The following IL1RAPL1 variants were observed in gnomAD, a reference collection of about 807,000 sequenced individuals.
IL1RAPL1 encodes the protein interleukin 1 receptor accessory protein like 1.
Under a neutral mutation model 48.4 loss-of-function variants are expected in IL1RAPL1, and 3 were observed. The observed-to-expected ratio is 0.06, with a 90% CI of 0.03 to 0.16. The LOEUF (loss-of-function observed/expected upper bound fraction) is 0.16. IL1RAPL1 is among the 10% of genes least tolerant of loss of function. IL1RAPL1 has a pLI of 1.00. For synonymous variants in IL1RAPL1, 185 were observed against 187.7 expected (o/e 0.99, Z 0.12); for missense variants, 349 against 530.6 (o/e 0.66, Z 3.36).
At chrX:29,504,946 A>G (rs934823874) in intron 5 of IL1RAPL1, among the ~76,000 whole-genome samples, 27 of 110,275 alleles carry the variant, frequency 2.4e-4, no homozygotes, top group African/African-American at 8.6e-4. Context: ...TGGTTAAGTG[A>G]TTTTTCTCTG....
chrX:29,425,048 G>A (rs1309910779), intron 5 of IL1RAPL1, among the ~76,000 whole-genome samples: 3 of 111,336 alleles, frequency 2.7e-5, no homozygotes, highest in African/African-American at 9.8e-5. Flanking sequence ...AGTACAACAG[G>A]GACTCCAACT....
At chrX:29,303,491 G>A (rs1384188572) in intron 3 of IL1RAPL1, among the ~76,000 whole-genome samples, 1 of 111,447 alleles carries the variant, frequency 9.0e-6, no homozygotes, top group African/African-American at 3.3e-5. Context: ...TTATAATACA[G>A]CAGTATAAAA....
chrX:29,688,884 C>G (rs1173085771), intron 6 of IL1RAPL1, among the ~76,000 whole-genome samples: 3 of 108,517 alleles, frequency 2.8e-5, no homozygotes, highest in African/African-American at 1.0e-4. Context: ...GAAGACATTA[C>G]CAAAAACTAT....
At chrX:29,579,432 T>C (rs1483271646) in intron 5 of IL1RAPL1, among the ~76,000 whole-genome samples, 1 of 111,927 alleles carries the variant, frequency 8.9e-6, no homozygotes, top group Non-Finnish European at 1.9e-5. Context: ...TTAGTAATTA[T>C]GAGAATTGAA....
chrX:29,057,589 G>A (rs1406798924), intron 2 of IL1RAPL1, among the ~76,000 whole-genome samples: 3 of 110,452 alleles, frequency 2.7e-5, no homozygotes, highest in African/African-American at 9.9e-5. Context: ...CACCATGCCT[G>A]GCTAATTTTT....
At chrX:28,919,563 A>T (rs1457328130) in intron 2 of IL1RAPL1, among the ~76,000 whole-genome samples, 1 of 111,881 alleles carries the variant, frequency 8.9e-6, no homozygotes, top group Non-Finnish European at 1.9e-5. Flanking sequence ...GCCACTTACC[A>T]GTCATTTGCA....
chrX:28,642,769 A>G (rs926510522), intron 1 of IL1RAPL1, among the ~76,000 whole-genome samples: 6 of 111,891 alleles, frequency 5.4e-5, no homozygotes, highest in African/African-American at 2.0e-4. Flanking sequence ...AAGAGCAAAC[A>G]AATTCGAAAG....
chrX:28,838,535 C>T (rs959865418), intron 2 of IL1RAPL1, among the ~76,000 whole-genome samples: 1 of 110,479 alleles, frequency 9.1e-6, no homozygotes, highest in Admixed American at 9.7e-5. Context: ...TGGGTCAGTA[C>T]ACCATATAGT....
At chrX:29,126,071 G>C (rs900383790) in intron 2 of IL1RAPL1, among the ~76,000 whole-genome samples, 1 of 110,474 alleles carries the variant, frequency 9.1e-6, no homozygotes, top group South Asian at 3.9e-4. Flanking sequence ...TAGAGTGCCT[G>C]ACATATATTA....
intron 2 of IL1RAPL1, among the ~76,000 whole-genome samples, chrX:29,015,725 A>G (rs779947832): frequency 6.2e-4 from 69 of 111,126 alleles, no homozygotes; most frequent in Non-Finnish European, 5.5e-4. Flanking sequence ...AGCCAAGTGA[A>G]TCAAAAGTCT....
chrX:29,214,159 A>G (rs1450331707), intron 2 of IL1RAPL1, among the ~76,000 whole-genome samples: 3 of 111,585 alleles, frequency 2.7e-5, no homozygotes, highest in Non-Finnish European at 5.6e-5. Flanking sequence ...ACATGTGTAC[A>G]TTTTGTGTCT....
chrX:29,535,134 CAAAA>C (rs35842937), intron 5 of IL1RAPL1, among the ~76,000 whole-genome samples: 2 of 22,583 alleles, frequency 8.9e-5, no homozygotes, highest in Non-Finnish European at 1.4e-4. Context: ...ACTCTGTCTC[CAAAA>C]AAAAAAAAAA....
chrX:28,768,327 T>G (rs56118163), intron 1 of IL1RAPL1, among the ~76,000 whole-genome samples: 2,510 of 110,597 alleles, frequency 0.023, 69 homozygotes, highest in African/African-American at 0.078. Context: ...GTAGTTATTT[T>G]AGAATTGGCT....
At chrX:29,849,060 C>A (rs1323478397) in intron 6 of IL1RAPL1, among the ~76,000 whole-genome samples, 2 of 110,756 alleles carry the variant, frequency 1.8e-5, no homozygotes, top group Non-Finnish European at 3.8e-5. Flanking sequence ...AGCCACCACA[C>A]CCTGTCTCCA....
At chrX:29,709,170 T>G (rs1927274584) in intron 6 of IL1RAPL1, among the ~76,000 whole-genome samples, 1 of 111,877 alleles carries the variant, frequency 8.9e-6, no homozygotes, top group African/African-American at 3.2e-5. Context: ...TTGTTTTTGC[T>G]TTCGTTACCT....
chrX:29,539,746 A>G (rs901416543), intron 5 of IL1RAPL1, among the ~76,000 whole-genome samples: 1 of 111,194 alleles, frequency 9.0e-6, no homozygotes, highest in African/African-American at 3.3e-5. Flanking sequence ...GCGTTCCACC[A>G]TGATTATAAG....
intron 2 of IL1RAPL1, among the ~76,000 whole-genome samples, chrX:28,949,829 C>A (rs2147354254): frequency 9.1e-6 from 1 of 109,942 alleles, no homozygotes; most frequent in Non-Finnish European, 1.9e-5. Flanking sequence ...ATTGTACATT[C>A]TGGATATTAG....
intron 2 of IL1RAPL1, among the ~76,000 whole-genome samples, chrX:28,931,255 G>A (rs891906004): frequency 9.0e-6 from 1 of 111,612 alleles, no homozygotes; most frequent in Non-Finnish European, 1.9e-5. Context: ...TCCCTATTTT[G>A]TTGGAAAGTG....
At chrX:29,515,098 A>G (rs1395424023) in intron 5 of IL1RAPL1, among the ~76,000 whole-genome samples, 1 of 112,476 alleles carries the variant, frequency 8.9e-6, no homozygotes, top group East Asian at 2.8e-4. Context: ...TCCTGGGTGA[A>G]GACATGAATT....
Sources: allele counts gnomAD v4.1 joint callset (sites outside exome capture counted in the v4.1 genomes callset), GRCh38; gene constraint gnomAD v4.1.1; transcripts MANE v1.5; gene names NCBI Gene and HGNC (gene_info 2026-07-23, HGNC 2026-07-21).